Variants in ROBO2 observed in about 807,000 individuals in gnomAD.
The protein encoded by ROBO2 is roundabout guidance receptor 2, also known as roundabout homolog 2.
ROBO2 carries 53 observed loss-of-function variants against 160.8 expected under a neutral mutation model. The observed-to-expected ratio is 0.33, with a 90% confidence interval of 0.26 to 0.41. ROBO2 has a LOEUF of 0.41. Among genes scored for constraint, ROBO2 ranks in the 10% least tolerant of loss-of-function variants. The pLI, the probability that ROBO2 is intolerant of heterozygous loss-of-function variation, is 1.00. For synonymous variants in ROBO2, 664 were observed against 611.7 expected (o/e 1.09, Z -1.26); for missense variants, 1,577 against 1,722.4 (o/e 0.92, Z 1.49).
intron 2 of ROBO2, among the ~76,000 whole-genome samples, chr3:76,810,928 G>T (rs2065109823): frequency 1.3e-5 from 2 of 151,998 alleles, no homozygotes; most frequent in African/African-American, 4.8e-5. Context: ...AAGATAATTT[G>T]GTTGTTTATT....
chr3:76,382,193 C>T (rs982751012), intron 2 of ROBO2, among the ~76,000 whole-genome samples: 1 of 152,142 alleles, frequency 6.6e-6, no homozygotes, highest in African/African-American at 2.4e-5. Flanking sequence ...ATCTTGAACT[C>T]TTAGGTTTAA....
chr3:77,644,714 G>T (rs1429736712), exon 25 of ROBO2: 1 of 1,613,810 alleles, frequency 6.2e-7, no homozygotes. Flanking sequence ...AGGAGGCCTT[G>T]GTGCCCTATA....
intron 2 of ROBO2, among the ~76,000 whole-genome samples, chr3:76,882,213 G>A (rs1004541059): frequency 1.3e-5 from 2 of 151,906 alleles, no homozygotes; most frequent in African/African-American, 4.8e-5. Flanking sequence ...GTAGGTTTGG[G>A]TTTGTTGTTG....
intron 2 of ROBO2, among the ~76,000 whole-genome samples, chr3:75,979,444 G>T (rs2065219573): frequency 6.6e-6 from 1 of 151,472 alleles, no homozygotes; most frequent in African/African-American, 2.4e-5. Flanking sequence ...AGTGGATAGT[G>T]TTGAAACCCA....
At chr3:77,185,273 T>C (rs2081179479) in intron 2 of ROBO2, among the ~76,000 whole-genome samples, 1 of 151,980 alleles carries the variant, frequency 6.6e-6, no homozygotes, top group Non-Finnish European at 1.5e-5. Flanking sequence ...AGTGGAGAAT[T>C]ATCTCTTTGG....
intron 2 of ROBO2, among the ~76,000 whole-genome samples, chr3:76,736,155 G>A (rs953578717): frequency 6.6e-6 from 1 of 151,632 alleles, no homozygotes; most frequent in South Asian, 2.1e-4. Context: ...TGGTGGTGGC[G>A]CCTGCAGTCC....
chr3:77,183,211 C>A (rs776510835), intron 2 of ROBO2, among the ~76,000 whole-genome samples: 1 of 152,038 alleles, frequency 6.6e-6, no homozygotes, highest in Admixed American at 6.6e-5. Flanking sequence ...TCTTCTCCCC[C>A]ATAAGCTTTA....
At chr3:76,057,183 A>G (rs1055777046) in intron 2 of ROBO2, among the ~76,000 whole-genome samples, 1 of 152,092 alleles carries the variant, frequency 6.6e-6, no homozygotes, top group Non-Finnish European at 1.5e-5. Context: ...CTTCAATCTG[A>G]TACTAGGCGT....
chr3:76,661,559 G>C (rs2091822269), intron 2 of ROBO2, among the ~76,000 whole-genome samples: 1 of 152,166 alleles, frequency 6.6e-6, no homozygotes, highest in Non-Finnish European at 1.5e-5. Flanking sequence ...CATTGGTTCA[G>C]TCTGGAAAGG....
At chr3:76,256,748 C>T (rs1311317044) in intron 2 of ROBO2, among the ~76,000 whole-genome samples, 11 of 151,786 alleles carry the variant, frequency 7.2e-5, no homozygotes, top group African/African-American at 1.5e-4. Flanking sequence ...AAGAAACACC[C>T]GAGACTGGGT....
intron 2 of ROBO2, among the ~76,000 whole-genome samples, chr3:76,267,578 G>A (rs1237446398): frequency 1.3e-5 from 2 of 152,000 alleles, no homozygotes; most frequent in African/African-American, 4.8e-5. Context: ...AATCACCTGT[G>A]TCATATTTCT....
intron 2 of ROBO2, among the ~76,000 whole-genome samples, chr3:76,865,481 T>G (rs996879527): frequency 1.3e-5 from 2 of 152,080 alleles, no homozygotes; most frequent in Admixed American, 1.3e-4. Context: ...GACCACACTT[T>G]GAGTAGTACT....
chr3:77,534,838 G>A (rs1357178748), intron 6 of ROBO2, among the ~76,000 whole-genome samples: 2 of 152,074 alleles, frequency 1.3e-5, no homozygotes, highest in African/African-American at 4.8e-5. Flanking sequence ...TTATCTTTCT[G>A]CTGCCTCTAG....
Position 76,434,346 on chromosome 3 carries a change from G to C in ROBO2, c.109+496744G>C, listed in dbSNP as rs879154109. 6 of 1,314,556 alleles carry C rather than the reference G, an allele frequency of 4.6e-6. No homozygotes were observed. The East Asian group carries it at 1.2e-4, about 25-fold the overall frequency. The allele number at this position is 1,314,556 out of a possible 1,614,324, so 81.4% of individuals were successfully genotyped here. Reference sequence around the variant, plus strand: ...CTCAGAGCAGATCAAGAAGTGATAAGCTTTCGGGAGAAGAACCGAGGCAGC... The same window carrying C: ...CTCAGAGCAGATCAAGAAGTGATAACCTTTCGGGAGAAGAACCGAGGCAGC... On this transcript the variant is annotated intron_variant, in intron 2 of 26. Transcript: ENST00000487694.
chr3:77,550,683 A>G (rs569968309), intron 7 of ROBO2, 135 bp from the exon 9 acceptor site: 186 of 919,028 alleles, frequency 2.0e-4, no homozygotes, highest in Non-Finnish European at 2.8e-4. Flanking sequence ...TGGCATTTAA[A>G]CATTTCTGAA....
At chr3:76,434,704 C>T in intron 2 of ROBO2, 4 of 1,079,058 alleles carry the variant, frequency 3.7e-6, no homozygotes, top group Non-Finnish European at 5.8e-6. Context: ...GTTCACCAGG[C>T]AGGCCCCCCT....
At chr3:77,390,634 G>C (rs1014393026) in intron 2 of ROBO2, among the ~76,000 whole-genome samples, 2 of 152,030 alleles carry the variant, frequency 1.3e-5, no homozygotes, top group Admixed American at 6.6e-5. Flanking sequence ...CCCAGTCTCT[G>C]GTAAGTCTTT....
At chr3:76,661,136 T>A (rs2091799979) in intron 2 of ROBO2, among the ~76,000 whole-genome samples, 1 of 152,164 alleles carries the variant, frequency 6.6e-6, no homozygotes, top group Non-Finnish European at 1.5e-5. Context: ...ATTTACATGT[T>A]AATTGAATCT....
intron 14 of ROBO2, 126 bp from the exon 16 acceptor site, chr3:77,577,364 G>A (rs1043984814): frequency 9.1e-6 from 10 of 1,098,960 alleles, no homozygotes; most frequent in South Asian, 3.9e-5. Context: ...GTTGAACACC[G>A]TGTGCATTCA....
Sources: allele counts gnomAD v4.1 joint callset (sites outside exome capture counted in the v4.1 genomes callset), GRCh38; gene constraint gnomAD v4.1.1; transcripts MANE v1.5; gene names NCBI Gene and HGNC (gene_info 2026-07-23, HGNC 2026-07-21).